Variants in IGF2BP3 observed in about 807,000 individuals in gnomAD.
IGF2BP3 encodes the protein insulin-like growth factor 2 mRNA-binding protein 3.
Under a neutral mutation model 73.8 loss-of-function variants are expected in IGF2BP3, and 9 were observed. The ratio of observed to expected loss-of-function variants is 0.12; its 90% CI spans 0.07 to 0.21. IGF2BP3 has a LOEUF of 0.21. Ranked by LOEUF, IGF2BP3 falls within the 10% of genes least tolerant of loss-of-function variation. The pLI, the probability that IGF2BP3 is intolerant of heterozygous loss-of-function variation, is 1.00. For synonymous variants in IGF2BP3, 258 were observed against 256.7 expected (o/e 1.01, Z -0.05); for missense variants, 542 against 714.0 (o/e 0.76, Z 2.75).
intron 10 of IGF2BP3, among the ~76,000 whole-genome samples, chr7:23,319,543 A>C (rs973543029): frequency 6.6e-6 from 1 of 152,186 alleles, no homozygotes. Flanking sequence ...GTAAAGTTTA[A>C]TCATATTAGA....
chr7:23,363,374 T>C (rs556338393), intron 3 of IGF2BP3, among the ~76,000 whole-genome samples: 1 of 151,372 alleles, frequency 6.6e-6, no homozygotes, highest in Admixed American at 6.6e-5. Context: ...GCTTTCTGAG[T>C]AGCTGGCACT....
At chr7:23,397,091 T>C (rs942416784) in intron 3 of IGF2BP3, among the ~76,000 whole-genome samples, 1 of 152,204 alleles carries the variant, frequency 6.6e-6, no homozygotes, top group Non-Finnish European at 1.5e-5. Context: ...ACCTCTGCCT[T>C]ATATTTTAAT....
chr7:23,454,325 T>C (rs1458819194), intron 2 of IGF2BP3, among the ~76,000 whole-genome samples: 1 of 152,150 alleles, frequency 6.6e-6, no homozygotes, highest in Non-Finnish European at 1.5e-5. Context: ...TGCACCTAGA[T>C]ATAAAGCACC....
chr7:23,369,319 C>T (rs891013581), intron 3 of IGF2BP3, among the ~76,000 whole-genome samples: 1 of 152,124 alleles, frequency 6.6e-6, no homozygotes, highest in Non-Finnish European at 1.5e-5. Context: ...CCTGGTGTCA[C>T]CTCCTGGTAT....
At chr7:23,375,565 A>C (rs944665976) in intron 3 of IGF2BP3, among the ~76,000 whole-genome samples, 6 of 152,254 alleles carry the variant, frequency 3.9e-5, no homozygotes, top group Non-Finnish European at 7.3e-5. Context: ...ATACCACTCC[A>C]AACAGCTATA....
rs10488283 is a variant in IGF2BP3, at chr7:23,418,540, T to C, written c.285+236A>G. On this transcript the variant is annotated intron_variant, in intron 3 of 14. Coordinates refer to ENST00000258729, the MANE Select transcript of IGF2BP3 (RefSeq NM_006547.3). ...TTGGGAAGTGACTGAATGAGAAAGA[T>C]TACCCAGTTACCCAAGAATATATTT... 8.3e-3 allele frequency among the ~76,000 whole-genome samples: 1,259 copies of C among 152,312 alleles called. 27 individuals are homozygous for C. The highest frequency in any genetic ancestry group is 0.028 in the African/African-American group (1,156 of 41,548).
At position 23,317,673 on chromosome 7, in the gene IGF2BP3, A is replaced by G; in HGVS notation, c.1361T>C (p.Val454Ala). The part of the protein sequence containing the change: ...AEAPDAKVRM[V>A]IITGPPEAQF... ...AGCCTCTGGTGGTCCAGTGATAATCACCATCCTCACTTTAGCATCTGGTGC... is the reference window on the plus strand; with the variant it reads ...AGCCTCTGGTGGTCCAGTGATAATCGCCATCCTCACTTTAGCATCTGGTGC... Residue 454 changes from valine (V) to alanine (A), a missense_variant, in exon 12 of 15, where the codon GTG (valine) becomes GCG (alanine). Transcript: ENST00000258729. The G allele has an allele frequency of 6.2e-7, 1 of 1,614,086 alleles. No homozygotes were observed. The highest frequency in any genetic ancestry group is 8.5e-7 in the Non-Finnish European group (1 of 1,179,924).
rs1353286143 is a variant in IGF2BP3, at chr7:23,312,450, C to A, written c.1652G>T (p.Arg551Ile). The A allele has an allele frequency of 6.2e-7, 1 of 1,612,970 alleles. No homozygotes were observed. The highest frequency in any genetic ancestry group is 8.5e-7 in the Non-Finnish European group (1 of 1,179,088). Residue 551 changes from arginine to isoleucine, a missense_variant, in exon 15 of 15, where the codon AGA becomes ATA. Around this residue, in one of 2 missense-constraint regions of IGF2BP3, gnomAD observed 303 missense variants for 472.1 expected, o/e 0.64. Coordinates refer to ENST00000258729, the MANE Select transcript of IGF2BP3 (RefSeq NM_006547.3). ...CTGAGTCAGAATTTCCTGAATTTTT[C>A]TCTGGGCAACCTAGAAAAGGACAGA... ...GHFYACQVAQRKIQEILTQVK... is the reference protein window; with the variant it reads ...GHFYACQVAQIKIQEILTQVK...
chr7:23,335,826 T>C (rs1468233085), intron 10 of IGF2BP3, among the ~76,000 whole-genome samples: 2 of 152,226 alleles, frequency 1.3e-5, no homozygotes, highest in African/African-American at 2.4e-5. Flanking sequence ...TCTGCTTCAC[T>C]AGCTGCCAAT....
chr7:23,360,889 C>G (rs1192916699), intron 5 of IGF2BP3, among the ~76,000 whole-genome samples: 1 of 152,164 alleles, frequency 6.6e-6, no homozygotes, highest in East Asian at 1.9e-4. Flanking sequence ...CTGGGCAGAT[C>G]TGTTAAAGGC....
chr7:23,385,011 T>A (rs1342740361), intron 3 of IGF2BP3, among the ~76,000 whole-genome samples: 1 of 152,242 alleles, frequency 6.6e-6, no homozygotes, highest in African/African-American at 2.4e-5. Flanking sequence ...CATTATAAGT[T>A]GATAAGCCAT....
intron 2 of IGF2BP3, among the ~76,000 whole-genome samples, chr7:23,445,288 G>T (rs1040458401): frequency 2.0e-5 from 3 of 152,008 alleles, no homozygotes; most frequent in African/African-American, 7.2e-5. Flanking sequence ...TTAATTTAGA[G>T]AAAACTACTT....
At chr7:23,366,310 G>A (rs566798593) in intron 3 of IGF2BP3, among the ~76,000 whole-genome samples, 14 of 151,990 alleles carry the variant, frequency 9.2e-5, no homozygotes, top group African/African-American at 2.2e-4. Context: ...GCTAATTTTC[G>A]TATTTTTAGT....
chr7:23,470,231 AACAC>A lies in IGF2BP3; in HGVS notation c.-125_-122del, dbSNP rs1252568393. The A allele has an allele frequency of 1.4e-6, 1 of 738,072 alleles. No individual in the cohort carries two copies. Among genetic ancestry groups the A allele is most frequent in the African/African-American group, 1.8e-5 (1 of 56,072 alleles). The allele number at this position is 738,072 out of a possible 1,614,324, so 45.7% of individuals were successfully genotyped here. On this transcript the variant is annotated 5_prime_UTR_variant, in exon 1 of 15. Transcript: ENST00000258729. ...CGTCTTCTCGCCTTTAAAATACACAAACACAGTAAGAACCAAGCACAAGAACGAG... is the reference window on the plus strand; with the variant it reads ...CGTCTTCTCGCCTTTAAAATACACAAAGTAAGAACCAAGCACAAGAACGAG...
At chr7:23,361,888 G>C in intron 3 of IGF2BP3, 147 bp from the exon 4 acceptor site, 1 of 632,368 alleles carries the variant, frequency 1.6e-6, no homozygotes. Flanking sequence ...CTAAGGGATG[G>C]ATACCACAAA....
chr7:23,411,984 CTT>C (rs767524257), intron 3 of IGF2BP3, among the ~76,000 whole-genome samples: 84 of 104,818 alleles, frequency 8.0e-4, no homozygotes, highest in African/African-American at 3.1e-3. Context: ...ACTTATTTCT[CTT>C]TTTTTTTTTT....
chr7:23,431,986 T>C (rs1244094838), intron 2 of IGF2BP3, among the ~76,000 whole-genome samples: 1 of 152,230 alleles, frequency 6.6e-6, no homozygotes. Context: ...TATTCAATAT[T>C]ACTTAAACAA....
intron 10 of IGF2BP3, among the ~76,000 whole-genome samples, chr7:23,329,174 T>C (rs891527327): frequency 5.3e-5 from 8 of 151,644 alleles, no homozygotes; most frequent in African/African-American, 1.2e-4. Flanking sequence ...GATCACGCCA[T>C]TGCACTCCAG....
At chr7:23,398,181 C>T (rs569047536) in intron 3 of IGF2BP3, among the ~76,000 whole-genome samples, 62 of 151,242 alleles carry the variant, frequency 4.1e-4, no homozygotes, top group Non-Finnish European at 5.6e-4. Flanking sequence ...TTTGTCCTTG[C>T]GATAGTTTGC....
Sources: gnomAD v4.1 joint callset for allele counts (sites outside exome capture counted in the v4.1 genomes callset) on GRCh38, gnomAD v4.1.1 for gene constraint, gnomAD v4.1.1 regional missense constraint, MANE v1.5 for transcripts, NCBI Gene and HGNC (gene_info 2026-07-23, HGNC 2026-07-21) for gene names.